WDR48: variants seen among roughly 807,000 people sequenced by gnomAD.
The protein encoded by WDR48 is WD repeat-containing protein 48.
In WDR48, 22 loss-of-function variants were observed where a neutral mutation model predicts 94.0. That is an observed-to-expected ratio of 0.23 (90% CI 0.17 to 0.33). The LOEUF is 0.33. Among genes scored for constraint, WDR48 ranks in the 10% least tolerant of loss-of-function variants. WDR48 has a pLI of 1.00. For synonymous variants in WDR48, 278 were observed against 280.5 expected (o/e 0.99, Z 0.09); for missense variants, 541 against 813.8 (o/e 0.66, Z 4.08).
intron 7 of WDR48, 97 bp from the exon 8 acceptor site, chr3:39,074,627 CGT>C: frequency 1.7e-6 from 2 of 1,150,504 alleles, no homozygotes; most frequent in South Asian, 2.9e-5. Context: ...TTAATAGAGT[CGT>C]GTGTTTGACA....
At chr3:39,093,115 T>C (rs2035173209) in intron 17 of WDR48, among the ~76,000 whole-genome samples, 1 of 152,098 alleles carries the variant, frequency 6.6e-6, no homozygotes, top group African/African-American at 2.4e-5. Flanking sequence ...CCCAACCAGC[T>C]GTTGGGTTTG....
chr3:39,059,074 CAAAAAAAAAA>C (rs1178955423), intron 1 of WDR48, among the ~76,000 whole-genome samples: 4 of 69,726 alleles, frequency 5.7e-5, no homozygotes, highest in Non-Finnish European at 1.4e-4. Context: ...GACTCCGTCT[CAAAAAAAAAA>C]AAAAAAAAAA....
At chr3:39,070,497 T>G (rs1245505952) in intron 7 of WDR48, among the ~76,000 whole-genome samples, 1 of 152,142 alleles carries the variant, frequency 6.6e-6, no homozygotes, top group Non-Finnish European at 1.5e-5. Context: ...CTGTGGAAGT[T>G]AAGACTTTAG....
chr3:39,075,495 A>G (rs955006470), intron 8 of WDR48, among the ~76,000 whole-genome samples: 1 of 152,112 alleles, frequency 6.6e-6, no homozygotes, highest in East Asian at 1.9e-4. Context: ...TTCATACTCC[A>G]AACCACCACT....
At chr3:39,081,619 T>C (rs1003509700) in intron 11 of WDR48, among the ~76,000 whole-genome samples, 3 of 152,220 alleles carry the variant, frequency 2.0e-5, no homozygotes, top group African/African-American at 7.2e-5. Context: ...TTCACTTTGA[T>C]ACTCTACCAC....
chr3:39,059,021 G>A (rs1366355129), intron 1 of WDR48, among the ~76,000 whole-genome samples: 1 of 144,514 alleles, frequency 6.9e-6, no homozygotes, highest in African/African-American at 2.6e-5. Context: ...GTTGCAGTGA[G>A]CCAAGATCGC....
At chr3:39,064,384 C>G (rs1353830278) in intron 2 of WDR48, among the ~76,000 whole-genome samples, 1 of 151,050 alleles carries the variant, frequency 6.6e-6, no homozygotes, top group African/African-American at 2.4e-5. Context: ...AATCAATTTT[C>G]CTGCCTCAGC....
chr3:39,083,833 T>C (rs1447390486), intron 11 of WDR48, among the ~76,000 whole-genome samples: 1 of 152,102 alleles, frequency 6.6e-6, no homozygotes, highest in Non-Finnish European at 1.5e-5. Context: ...TGTGGGAAAA[T>C]AAGCAGTCCC....
chr3:39,055,846 A>G (rs1402890911), intron 1 of WDR48, among the ~76,000 whole-genome samples: 2 of 152,062 alleles, frequency 1.3e-5, no homozygotes, highest in African/African-American at 2.4e-5. Flanking sequence ...TGCTTGGGGA[A>G]AAAAAATACT....
rs2034141063 is a variant in WDR48, at chr3:39,075,042, C to T, written c.897+92C>T. On this transcript the variant is annotated intron_variant, in intron 8 of 18. Transcript: ENST00000302313. The stretch of plus-strand genomic sequence containing the variant: ...AAAGCTATATTAAAACATGACTCAA[C>T]TGCAGGGTTCGGAGGGGGAAGGTTT... 18 of 1,284,874 alleles carry T rather than the reference C, an allele frequency of 1.4e-5. No individual in the cohort carries two copies. In the South Asian group the frequency reaches 2.1e-4, roughly 15 times the overall value. 79.6% of individuals were successfully genotyped at this position (1,284,874 alleles called of 1,614,324 possible). A position where few individuals can be genotyped will look rare whatever the true frequency, so the allele number is the denominator to read the frequency against.
chr3:39,061,146 A>G (rs1204566220), intron 1 of WDR48, among the ~76,000 whole-genome samples: 1 of 152,184 alleles, frequency 6.6e-6, no homozygotes, highest in African/African-American at 2.4e-5. Flanking sequence ...CATGTGCACA[A>G]CGTGCAGGTT....
Position 39,084,686 on chromosome 3 carries a change from C to T in WDR48, c.1323C>T (p.Ala441=), listed in dbSNP as rs751567557. The T allele has an allele frequency of 6.2e-7, 1 of 1,613,774 alleles. No homozygotes were observed. Among genetic ancestry groups the T allele is most frequent in the Non-Finnish European group, 8.5e-7 (1 of 1,179,872 alleles). The part of the protein sequence containing the change: ...ITLDESDCFA[A]WVSAKDAGFS... ...TGGATGAAAGTGATTGTTTTGCTGC[C>T]TGGGTTTCTGCAAAAGATGCTGGTT... The change falls in exon 13 of 19, where the codon GCC becomes GCT. Residue 441 remains alanine, a synonymous_variant. Coordinates refer to ENST00000302313, the MANE Select transcript of WDR48 (RefSeq NM_020839.4).
In WDR48 at chr3:39,096,379, A is replaced by T. The variant is rs1553666511; in HGVS notation, c.*1636A>T. On this transcript the variant is annotated 3_prime_UTR_variant, in exon 19 of 19. Coordinates refer to ENST00000302313, the MANE Select transcript of WDR48 (RefSeq NM_020839.4). ...TGCACATTTTTTAGCAATAGTTGTG[A>T]ATTAATGGCAAAGAAAAAAAAAATT... 1 of 150,760 alleles carries T rather than the reference A, an allele frequency of 6.6e-6. No individual in the cohort carries two copies. Among genetic ancestry groups the T allele is most frequent in the South Asian group, 2.1e-4 (1 of 4,812 alleles). 9.3% of individuals were successfully genotyped at this position (150,760 alleles called of 1,614,324 possible).
chr3:39,058,037 T>A (rs891418111), intron 1 of WDR48, among the ~76,000 whole-genome samples: 4 of 152,268 alleles, frequency 2.6e-5, no homozygotes, highest in Admixed American at 2.6e-4. Flanking sequence ...GGACCACACA[T>A]ATTTCACTAA....
At chr3:39,090,475 G>C (rs1345695647) in intron 16 of WDR48, 1 of 152,082 alleles carries the variant, frequency 6.6e-6, no homozygotes, top group African/African-American at 2.4e-5. Flanking sequence ...TTCATGTCTT[G>C]TTTAGGTATT....
chr3:39,089,080 A>G, intron 15 of WDR48, 151 bp from the exon 16 acceptor site: 2 of 633,448 alleles, frequency 3.2e-6, no homozygotes, highest in Non-Finnish European at 5.2e-6. Context: ...TGAGTGAGTC[A>G]TTCTTCCAGG....
At chr3:39,080,814 A>G (rs2034496086) in intron 11 of WDR48, among the ~76,000 whole-genome samples, 1 of 152,216 alleles carries the variant, frequency 6.6e-6, no homozygotes, top group African/African-American at 2.4e-5. Context: ...GGAAAAGGAA[A>G]TGAATGGCAG....
intron 10 of WDR48, among the ~76,000 whole-genome samples, chr3:39,078,761 G>A (rs530370505): frequency 0.44 from 313 of 718 alleles, 1 homozygote; most frequent in African/African-American, 0.49. Context: ...GGCCGGGCGC[G>A]GTGGCTCGCC....
chr3:39,069,277 CGGG>C (rs1314608884), intron 6 of WDR48, among the ~76,000 whole-genome samples: 2 of 152,080 alleles, frequency 1.3e-5, no homozygotes, highest in Non-Finnish European at 1.5e-5. Flanking sequence ...GTGCCCCAAT[CGGG>C]GGAGCTTAAA....
Sources: allele counts gnomAD v4.1 joint callset (sites outside exome capture counted in the v4.1 genomes callset), GRCh38; gene constraint gnomAD v4.1.1; transcripts MANE v1.5; gene names NCBI Gene and HGNC (gene_info 2026-07-23, HGNC 2026-07-21).